FCHSD2: variants seen among roughly 807,000 people sequenced by gnomAD.
FCHSD2 encodes the protein F-BAR and double SH3 domains protein 2.
Under a neutral mutation model 108.1 loss-of-function variants are expected in FCHSD2, and 38 were observed. The observed-to-expected ratio is 0.35, with a 90% CI of 0.27 to 0.46. The LOEUF (loss-of-function observed/expected upper bound fraction) is 0.46. Ranked by LOEUF, FCHSD2 falls within the 20% of genes least tolerant of loss-of-function variation. FCHSD2 has a pLI of 1.00. For missense variants in FCHSD2, 751 were observed against 897.8 expected (o/e 0.84, Z 2.09); for synonymous variants, 279 against 314.7 (o/e 0.89, Z 1.20).
chr11:73,045,256 A>T (rs1858733045), intron 3 of FCHSD2, among the ~76,000 whole-genome samples: 2 of 151,814 alleles, frequency 1.3e-5, no homozygotes, highest in Admixed American at 6.6e-5. Flanking sequence ...ATCATTAAAA[A>T]GTCAGGAAAC....
chr11:73,140,699 G>A, intron 1 of FCHSD2, among the ~76,000 whole-genome samples: 1 of 152,236 alleles, frequency 6.6e-6, no homozygotes, highest in East Asian at 1.9e-4. Context: ...AAAGGAGAAA[G>A]CAAAAGTGAC....
intron 8 of FCHSD2, among the ~76,000 whole-genome samples, chr11:72,969,578 A>C (rs763747903): frequency 6.6e-6 from 1 of 152,230 alleles, no homozygotes; most frequent in Non-Finnish European, 1.5e-5. Context: ...CCTTTAAGAC[A>C]CCACAGAATA....
chr11:73,090,049 T>TTAGTAAC (rs945781673), intron 2 of FCHSD2, among the ~76,000 whole-genome samples: 3 of 151,982 alleles, frequency 2.0e-5, no homozygotes, highest in Non-Finnish European at 4.4e-5. Context: ...ATCTACAAAT[T>TTAGTAAC]TAGTAACTGA....
chr11:73,095,675 C>T (rs1404778999), intron 2 of FCHSD2, among the ~76,000 whole-genome samples: 1 of 152,150 alleles, frequency 6.6e-6, no homozygotes, highest in Non-Finnish European at 1.5e-5. Flanking sequence ...AGCATACTTC[C>T]TGAGGTAGTA....
intron 2 of FCHSD2, among the ~76,000 whole-genome samples, chr11:73,133,626 T>C (rs1301007089): frequency 1.3e-5 from 2 of 151,508 alleles, no homozygotes; most frequent in African/African-American, 4.9e-5. Flanking sequence ...CAAAACCCCA[T>C]CTCTACTAAA....
At chr11:72,889,751 A>G in intron 11 of FCHSD2, 78 bp downstream of exon 11, 1 of 790,520 alleles carries the variant, frequency 1.3e-6, no homozygotes, top group Non-Finnish European at 2.1e-6. Context: ...TATTTTTCAC[A>G]TTAATAAAAC....
chr11:73,111,076 T>C (rs1860472963), intron 2 of FCHSD2, among the ~76,000 whole-genome samples: 1 of 152,176 alleles, frequency 6.6e-6, no homozygotes, highest in Non-Finnish European at 1.5e-5. Context: ...GTTTTAAGAC[T>C]TGCTTTGTCA....
intron 5 of FCHSD2, among the ~76,000 whole-genome samples, chr11:72,999,661 G>T (rs1163269503): frequency 6.6e-6 from 1 of 152,036 alleles, no homozygotes; most frequent in Non-Finnish European, 1.5e-5. Context: ...TTAAATTCAG[G>T]TCTGAGATTA....
chr11:73,084,127 T>C (rs1859759687), intron 2 of FCHSD2, among the ~76,000 whole-genome samples: 1 of 152,244 alleles, frequency 6.6e-6, no homozygotes, highest in South Asian at 2.1e-4. Context: ...TGTTGGCTAC[T>C]GTTATAAGAA....
chr11:72,905,456 T>C (rs1046299548), intron 9 of FCHSD2, among the ~76,000 whole-genome samples: 1 of 152,234 alleles, frequency 6.6e-6, no homozygotes, highest in African/African-American at 2.4e-5. Flanking sequence ...ATTTTTATTA[T>C]ACTTTCAGTT....
intron 8 of FCHSD2, among the ~76,000 whole-genome samples, chr11:72,979,349 A>G (rs1466979585): frequency 6.6e-6 from 1 of 152,196 alleles, no homozygotes; most frequent in Non-Finnish European, 1.5e-5. Flanking sequence ...GATGGAAAAT[A>G]AGAAAGAAAT....
intron 2 of FCHSD2, among the ~76,000 whole-genome samples, chr11:73,112,149 C>A (rs560315460): frequency 6.6e-6 from 1 of 152,120 alleles, no homozygotes; most frequent in Admixed American, 6.5e-5. Flanking sequence ...TAAAGAACTC[C>A]CTTTAGCATT....
At chr11:73,100,765 G>A (rs1860205479) in intron 2 of FCHSD2, among the ~76,000 whole-genome samples, 2 of 152,048 alleles carry the variant, frequency 1.3e-5, no homozygotes, top group Admixed American at 6.6e-5. Context: ...GTTGAAATTC[G>A]AATCTATTGG....
chr11:72,908,217 C>G (rs541803180), intron 9 of FCHSD2, among the ~76,000 whole-genome samples: 1 of 152,300 alleles, frequency 6.6e-6, no homozygotes, highest in South Asian at 2.1e-4. Context: ...GGATCTCATT[C>G]TTTTTCATGG....
chr11:73,087,235 T>A lies in FCHSD2; in HGVS notation c.120-3495A>T, dbSNP rs534417652. On this transcript the variant is annotated intron_variant, in intron 2 of 19. Transcript: ENST00000409418. ...TTAAAAGTACAAAAAAATAAAAATT[T>A]GTAAAAATAGTCAAAAGCTTATAAA... is the stretch of plus-strand genomic sequence containing the variant. Among the ~76,000 whole-genome samples, 467 of 152,280 alleles carry A rather than the reference T, an allele frequency of 3.1e-3. 1 individual carries two copies. The highest frequency in any genetic ancestry group is 0.011 in the African/African-American group (447 of 41,556).
intron 3 of FCHSD2, among the ~76,000 whole-genome samples, chr11:73,050,288 T>C (rs987914129): frequency 6.6e-6 from 1 of 152,186 alleles, no homozygotes; most frequent in African/African-American, 2.4e-5. Flanking sequence ...CATATGACCT[T>C]CACACCACTT....
intron 9 of FCHSD2, among the ~76,000 whole-genome samples, chr11:72,918,738 A>C (rs1855924090): frequency 6.6e-6 from 1 of 152,126 alleles, no homozygotes; most frequent in Admixed American, 6.5e-5. Context: ...TTATTTTCTG[A>C]ATTCTTTTTT....
chr11:73,121,655 C>T (rs967504504), intron 2 of FCHSD2, among the ~76,000 whole-genome samples: 9 of 147,128 alleles, frequency 6.1e-5, no homozygotes, highest in Non-Finnish European at 1.3e-4. Flanking sequence ...TTGTTAAGGG[C>T]CAAAAAAAAA....
intron 5 of FCHSD2, among the ~76,000 whole-genome samples, chr11:73,000,304 GA>G (rs774768070): frequency 4.0e-5 from 6 of 151,842 alleles, no homozygotes; most frequent in Non-Finnish European, 8.8e-5. Flanking sequence ...ACTTCCACAA[GA>G]AAATTTTAAT....
Sources: gnomAD v4.1 joint callset for allele counts (sites outside exome capture counted in the v4.1 genomes callset) on GRCh38, gnomAD v4.1.1 for gene constraint, MANE v1.5 for transcripts, NCBI Gene and HGNC (gene_info 2026-07-23, HGNC 2026-07-21) for gene names.